DSCC1: variants seen among roughly 807,000 people sequenced by gnomAD.
The protein encoded by DSCC1 is sister chromatid cohesion protein DCC1.
A neutral mutation model predicts 48.2 loss-of-function variants in DSCC1; 32 were observed. The ratio of observed to expected loss-of-function variants is 0.66; its 90% confidence interval spans 0.50 to 0.89. The LOEUF (loss-of-function observed/expected upper bound fraction) is 0.89. Ranked by LOEUF, DSCC1 falls within the 40% of genes least tolerant of loss-of-function variation. The probability of loss-of-function intolerance (pLI) is 0.00; values close to 1 mark genes in which losing one functional copy is unlikely to be tolerated. For missense variants in DSCC1, 421 were observed against 471.7 expected, an observed-to-expected ratio of 0.89 and a Z score of 1.00; for synonymous variants, 150 against 171.5, an observed-to-expected ratio of 0.87 and a Z score of 0.98.
rs541414061 is a variant in DSCC1, at chr8:119,841,898, G to A, written c.820C>T (p.Arg274Ter). The A allele has an allele frequency of 1.7e-5, 27 of 1,613,922 alleles. No homozygotes were observed. Among genetic ancestry groups the A allele is most frequent in the East Asian group, 4.5e-5 (2 of 44,882 alleles). The part of the protein sequence containing the change: ...DADKICRAAA[R>*]MLLQNAVKFN... ...TTCACCGCATTCTGAAGTAGCATTC[G>A]TGCTGCTGCTCTACATATTTTATCA... Residue 274 changes from arginine to a stop codon, truncating the protein, a stop_gained, in exon 7 of 9, where the codon CGA becomes TGA. Transcript: ENST00000313655. LOFTEE classifies it high-confidence loss of function.
intron 1 of DSCC1, among the ~76,000 whole-genome samples, chr8:119,854,964 C>A (rs1826994853): frequency 6.6e-6 from 1 of 152,176 alleles, no homozygotes; most frequent in Admixed American, 6.5e-5. Context: ...AAAAGAGAAT[C>A]AAGCTGGAGC....
At chr8:119,842,912 G>T (rs889148727) in intron 5 of DSCC1, 84 bp from the exon 6 acceptor site, 2 of 1,150,910 alleles carry the variant, frequency 1.7e-6, no homozygotes, top group Non-Finnish European at 2.5e-6. Context: ...TCAAAATTAA[G>T]AAAGAAATTT....
intron 4 of DSCC1, among the ~76,000 whole-genome samples, chr8:119,844,560 A>T (rs1243113597): frequency 6.7e-6 from 1 of 149,550 alleles, no homozygotes; most frequent in Non-Finnish European, 1.5e-5. Flanking sequence ...TTTACATATG[A>T]CTAGCTTTTC....
rs769671025 is a variant in DSCC1 at position 119,841,775 on chromosome 8, C to T, written c.924+19G>A. On this transcript the variant is annotated intron_variant, in intron 7 of 8. Coordinates refer to ENST00000313655, the MANE Select transcript of DSCC1 (RefSeq NM_024094.3). ...TTAATCAACTGTTGAAGTAAGGTGGCAATGTCTATTGCTATTACCTTAAGC... is the reference window on the plus strand; with the variant it reads ...TTAATCAACTGTTGAAGTAAGGTGGTAATGTCTATTGCTATTACCTTAAGC... 4 of 1,602,186 alleles carry T rather than the reference C, an allele frequency of 2.5e-6. No individual in the cohort carries two copies. The highest frequency in any genetic ancestry group is 3.4e-6 in the Non-Finnish European group (4 of 1,171,536).
At chr8:119,843,191 C>T (rs1586578283) in intron 5 of DSCC1, among the ~76,000 whole-genome samples, 1 of 150,864 alleles carries the variant, frequency 6.6e-6, no homozygotes, top group East Asian at 1.9e-4. Context: ...GGAGTTCAAG[C>T]AATTCTCCTG....
At chr8:119,850,973 GAAGTT>G (rs2131310035) in intron 2 of DSCC1, among the ~76,000 whole-genome samples, 1 of 152,318 alleles carries the variant, frequency 6.6e-6, no homozygotes, top group East Asian at 1.9e-4. Context: ...AAATGAGGCA[GAAGTT>G]AAGGGACAGA....
chr8:119,846,694 G>T (rs986127416), intron 4 of DSCC1, among the ~76,000 whole-genome samples: 1 of 151,814 alleles, frequency 6.6e-6, no homozygotes, highest in African/African-American at 2.4e-5. Flanking sequence ...TCCCTAGTAG[G>T]TGGAATTACA....
rs1826966819 is a variant in DSCC1 at position 119,853,201 on chromosome 8, C to T, written c.197G>A (p.Gly66Asp). ...CAGCACAGCTTGCTCGTCTTTATCA[C>T]CACGAATCACAAGACTGTAGCAAAA... is the stretch of plus-strand genomic sequence containing the variant. ...LEDGHSLVIR[G>D]DKDEQAVLCS... The change falls in exon 2 of 9, where the codon GGT becomes GAT. Residue 66 changes from glycine to aspartate, a missense_variant. Gly to Asp is a moderately conservative substitution (Grantham distance 94). This residue lies in a region of DSCC1 where 174 missense variants were observed against 184.5 expected (regional missense o/e 0.94). Coordinates refer to ENST00000313655, the MANE Select transcript of DSCC1 (RefSeq NM_024094.3). 2 of 1,608,388 alleles carry T rather than the reference C, an allele frequency of 1.2e-6. No individual in the cohort carries two copies. The highest frequency in any genetic ancestry group is 8.5e-7 in the Non-Finnish European group (1 of 1,176,550).
chr8:119,835,443 G>A (rs892709157), intron 8 of DSCC1, among the ~76,000 whole-genome samples: 1 of 151,910 alleles, frequency 6.6e-6, no homozygotes, highest in Non-Finnish European at 1.5e-5. Context: ...GGAGGCAGAG[G>A]TTGCAGTGAG....
At chr8:119,843,483 G>A (rs1826805350) in intron 5 of DSCC1, 126 bp downstream of exon 5, 3 of 1,339,246 alleles carry the variant, frequency 2.2e-6, no homozygotes, top group East Asian at 2.4e-5. Flanking sequence ...GGTTGTAATT[G>A]TAAACATTTC....
chr8:119,847,993 A>T (rs1826885325), intron 3 of DSCC1, among the ~76,000 whole-genome samples: 1 of 23,414 alleles, frequency 4.3e-5, no homozygotes. Context: ...TGTTTTTTTT[A>T]AATACAGAGT....
In DSCC1 at chr8:119,841,789, A is replaced by C. The variant is rs999543926; in HGVS notation, c.924+5T>G. The C allele has an allele frequency of 2.5e-6, 4 of 1,611,920 alleles. No homozygotes were observed. The African/African-American group carries it at 4.0e-5, about 16-fold the overall frequency. On this transcript the variant is annotated splice_donor_5th_base_variant and intron_variant, in intron 7 of 8. Transcript: ENST00000313655. ...AAGTAAGGTGGCAATGTCTATTGCT[A>C]TTACCTTAAGCTGATCAAGACTAGT...
chr8:119,853,380 G>A (rs1238019093), intron 1 of DSCC1, among the ~76,000 whole-genome samples, 165 bp from the exon 2 acceptor site: 2 of 152,060 alleles, frequency 1.3e-5, no homozygotes, highest in Non-Finnish European at 2.9e-5. Context: ...GCAAGCATTG[G>A]GCCAACTGAG....
intron 7 of DSCC1, chr8:119,839,787 C>T (rs1183111415): frequency 6.6e-6 from 1 of 152,288 alleles, no homozygotes; most frequent in Non-Finnish European, 1.5e-5. Context: ...ATTTGCCCCC[C>T]ACCTTTGACC....
At chr8:119,852,982 A>C in intron 2 of DSCC1, 65 bp downstream of exon 2, 1 of 1,388,476 alleles carries the variant, frequency 7.2e-7, no homozygotes, top group Non-Finnish European at 9.5e-7. Flanking sequence ...TTTTAACTAA[A>C]GATCAAATTA....
In DSCC1 at chr8:119,847,030, T is replaced by C; in HGVS notation, c.537A>G (p.Ile179Met). The change falls in exon 4 of 9, where the codon ATA becomes ATG. Residue 179 changes from isoleucine (I) to methionine (M), a missense_variant. Ile to Met is a conservative substitution (Grantham distance 10). Around this residue, in one of 3 missense-constraint regions of DSCC1, gnomAD observed 238 missense variants for 259.0 expected, o/e 0.92. Coordinates refer to ENST00000313655, the MANE Select transcript of DSCC1 (RefSeq NM_024094.3). ...CATTTAGAACTTGTAATTGGGTCAT[T>C]ATTTCTTCCTCACTTGCCTGAATTT... ...LDQIQASEEE[I>M]MTQLQVLNAC... The C allele has an allele frequency of 1.9e-6, 3 of 1,613,828 alleles. No individual in the cohort carries two copies. Among genetic ancestry groups the C allele is most frequent in the Non-Finnish European group, 2.5e-6 (3 of 1,180,024 alleles).
intron 1 of DSCC1, 138 bp from the exon 2 acceptor site, chr8:119,853,353 A>G: frequency 1.1e-6 from 1 of 917,172 alleles, no homozygotes; most frequent in Non-Finnish European, 1.6e-6. Context: ...TGCTAGCACA[A>G]TGCTGGATTC....
chr8:119,849,159 T>C (rs1304074111), intron 3 of DSCC1, among the ~76,000 whole-genome samples: 1 of 119,950 alleles, frequency 8.3e-6, no homozygotes, highest in Non-Finnish European at 1.6e-5. Context: ...CACTCCAGCC[T>C]GGGCGACAGA....
chr8:119,843,145 G>A (rs1227684261), intron 5 of DSCC1, among the ~76,000 whole-genome samples: 12 of 145,868 alleles, frequency 8.2e-5, no homozygotes, highest in African/African-American at 2.6e-4. Flanking sequence ...TGAGAGTGCA[G>A]TAGCGCAATC....
Sources: allele counts gnomAD v4.1 joint callset (sites outside exome capture counted in the v4.1 genomes callset), GRCh38; gene constraint gnomAD v4.1.1; regional missense constraint gnomAD v4.1.1; transcripts MANE v1.5; gene names NCBI Gene and HGNC (gene_info 2026-07-23, HGNC 2026-07-21).